YBX1: variants seen among roughly 807,000 people sequenced by gnomAD.
YBX1 encodes Y-box-binding protein 1.
A neutral mutation model predicts 41.4 loss-of-function variants in YBX1; 3 were observed. The ratio of observed to expected loss-of-function variants is 0.07; its 90% CI spans 0.03 to 0.19. YBX1 has a LOEUF of 0.19. YBX1 is among the 10% of genes least tolerant of loss of function. YBX1 has a pLI of 1.00. For missense variants in YBX1, 274 were observed against 462.8 expected (o/e 0.59, Z 3.74); for synonymous variants, 133 against 165.8 (o/e 0.80, Z 1.52).
intron 3 of YBX1, among the ~76,000 whole-genome samples, chr1:42,693,897 G>A (rs1010279088): frequency 6.6e-6 from 1 of 152,184 alleles, no homozygotes; most frequent in Non-Finnish European, 1.5e-5. Flanking sequence ...GCTTTTAGGT[G>A]TACCTGTAGG....
At chr1:42,686,158 G>T (rs775334392) in intron 2 of YBX1, among the ~76,000 whole-genome samples, 13 of 152,174 alleles carry the variant, frequency 8.5e-5, no homozygotes, top group South Asian at 2.1e-4. Context: ...AGTTTATAGT[G>T]ACCAGAATAG....
chr1:42,695,979 A>G lies in YBX1; in HGVS notation c.265-220A>G, dbSNP rs1182470819. Among the ~76,000 whole-genome samples the G allele has an allele frequency of 2.0e-5, 3 of 152,202 alleles. No individual in the cohort carries two copies. In the East Asian group the frequency reaches 5.8e-4, roughly 29 times the overall value. ...TAAATTACTTGTTTTAGTTTTGTAA[A>G]TAGTGGTACAATGCTGGGGCCTTGT... On this transcript the variant is annotated intron_variant, in intron 3 of 7. Coordinates refer to ENST00000321358, the MANE Select transcript of YBX1 (RefSeq NM_004559.5).
At chr1:42,700,237 A>G (rs1426156443) in intron 6 of YBX1, among the ~76,000 whole-genome samples, 1 of 152,168 alleles carries the variant, frequency 6.6e-6, no homozygotes, top group Admixed American at 6.5e-5. Flanking sequence ...TGGAGTGCTC[A>G]GAGTATGGGC....
intron 1 of YBX1, chr1:42,682,946 G>C (rs1650078588): frequency 7.0e-6 from 1 of 142,612 alleles, no homozygotes; most frequent in Non-Finnish European, 1.5e-5. Context: ...TGGACCCCGC[G>C]CGGCCGCGCG....
intron 2 of YBX1, 83 bp from the exon 3 acceptor site, chr1:42,693,407 A>G (rs767226492): frequency 1.3e-5 from 20 of 1,541,172 alleles, no homozygotes; most frequent in Non-Finnish European, 1.6e-5. Flanking sequence ...ATTGGCAGCC[A>G]GAGAGTCTCT....
intron 3 of YBX1, among the ~76,000 whole-genome samples, chr1:42,694,519 C>T (rs1650413542): frequency 2.0e-5 from 3 of 152,010 alleles, no homozygotes; most frequent in Admixed American, 2.0e-4. Context: ...AGTTAATATC[C>T]ATACTCACAT....
At chr1:42,685,107 A>G (rs944335287) in intron 2 of YBX1, among the ~76,000 whole-genome samples, 2 of 148,468 alleles carry the variant, frequency 1.3e-5, no homozygotes, top group African/African-American at 5.3e-5. Context: ...CAGGTTTTGT[A>G]TGTGTTGAAG....
rs746749891 is a variant in YBX1, at chr1:42,683,482, C to T, written c.230+16C>T. The stretch of plus-strand genomic sequence containing the variant: ...TCATCAACAGGTGAGCTGCCGGGCT[C>T]TGAAGCCTCCATCCCACCTTCTTGC... On this transcript the variant is annotated intron_variant, in intron 2 of 7. Transcript: ENST00000321358. 1 of 1,612,546 alleles carries T rather than the reference C, an allele frequency of 6.2e-7. No individual in the cohort carries two copies. Among genetic ancestry groups the T allele is most frequent in the Non-Finnish European group, 8.5e-7 (1 of 1,180,006 alleles).
intron 2 of YBX1, among the ~76,000 whole-genome samples, chr1:42,688,682 G>T (rs1256578187): frequency 6.6e-6 from 1 of 152,150 alleles, no homozygotes; most frequent in Admixed American, 6.5e-5. Flanking sequence ...GTCTTCAATA[G>T]CACCATGGGA....
intron 6 of YBX1, among the ~76,000 whole-genome samples, chr1:42,699,354 G>A (rs1650539341): frequency 6.6e-6 from 1 of 152,202 alleles, no homozygotes; most frequent in Admixed American, 6.5e-5. Context: ...AGAAAATAGA[G>A]ATGGTAAATT....
rs998257801 is a variant in YBX1 at position 42,703,766 on chromosome 1, G to C, written c.*1817G>C. On this transcript the variant is annotated 3_prime_UTR_variant, in exon 8 of 8. Transcript: ENST00000321358. ...ATCATAAATGAAACCATTGTAAGTT[G>C]ACTGCAGTGTTGCCAACATTAAATG... Among the ~76,000 whole-genome samples the C allele has an allele frequency of 6.6e-6, 1 of 152,138 alleles. No individual in the cohort carries two copies. Among genetic ancestry groups the C allele is most frequent in the African/African-American group, 2.4e-5 (1 of 41,436 alleles).
intron 6 of YBX1, among the ~76,000 whole-genome samples, chr1:42,699,896 C>T (rs147861426): frequency 6.6e-6 from 1 of 152,274 alleles, no homozygotes; most frequent in Non-Finnish European, 1.5e-5. Context: ...TAGAAAACAG[C>T]TGGACTGGGA....
At position 42,683,440 on chromosome 1, in the gene YBX1, A is replaced by G. The variant is rs1460498820; in HGVS notation, c.204A>G (p.Val68=). The G allele has an allele frequency of 6.2e-7, 1 of 1,614,076 alleles. No individual in the cohort carries two copies. The highest frequency in any genetic ancestry group is 1.1e-5 in the South Asian group (1 of 91,080). The change falls in exon 2 of 8, where the codon GTA becomes GTG. Residue 68 remains valine, a synonymous_variant. Transcript: ENST00000321358. ...TGGGAACAGTAAAATGGTTCAATGTAAGGAACGGATATGGTTTCATCAACA... is the reference window on the plus strand; with the variant it reads ...TGGGAACAGTAAAATGGTTCAATGTGAGGAACGGATATGGTTTCATCAACA... ...KVLGTVKWFN[V]RNGYGFINRN...
At chr1:42,682,762 C>T in intron 1 of YBX1, 31 bp downstream of exon 1, 2 of 1,191,684 alleles carry the variant, frequency 1.7e-6, no homozygotes, top group Non-Finnish European at 2.1e-6. Flanking sequence ...GGGGTGGGGC[C>T]CTCGGGCAGC....
intron 2 of YBX1, among the ~76,000 whole-genome samples, chr1:42,690,922 TC>T (rs1650314025): frequency 6.6e-6 from 1 of 152,172 alleles, no homozygotes; most frequent in African/African-American, 2.4e-5. Context: ...AAGGGTCAGT[TC>T]CAGTGTTAAT....
intron 2 of YBX1, among the ~76,000 whole-genome samples, chr1:42,689,336 T>A (rs757684722): frequency 1.6e-4 from 25 of 152,204 alleles, no homozygotes; most frequent in Non-Finnish European, 2.9e-4. Context: ...CTTTAGGTTA[T>A]GGAGCATATA....
chr1:42,689,901 T>C lies in YBX1; in HGVS notation c.231-3589T>C, dbSNP rs1650287429. ...TTTAATTTAGAAATCTGGCTAGTAT[T>C]AGTGAATAGTAAATGCCCAATAAAT... On this transcript the variant is annotated intron_variant, in intron 2 of 7. Transcript: ENST00000321358. 2.0e-5 allele frequency among the ~76,000 whole-genome samples: 3 copies of C among 152,212 alleles called. No individual in the cohort carries two copies. The South Asian group carries it at 6.2e-4, about 32-fold the overall frequency.
intron 2 of YBX1, among the ~76,000 whole-genome samples, chr1:42,684,046 A>C (rs763236665): frequency 6.6e-6 from 1 of 152,238 alleles, no homozygotes; most frequent in Non-Finnish European, 1.5e-5. Context: ...ATATATTTAC[A>C]AGAAAGTGGT....
rs544759623 is a variant in YBX1 at position 42,699,452 on chromosome 1, G to C, written c.741-1329G>C. Among the ~76,000 whole-genome samples the C allele has an allele frequency of 8.6e-5, 13 of 151,966 alleles. No individual in the cohort carries two copies. In the South Asian group the frequency reaches 2.7e-3, roughly 32 times the overall value. On this transcript the variant is annotated intron_variant, in intron 6 of 7. Transcript: ENST00000321358. Reference sequence around the variant, plus strand: ...CTAGCCATTTGGGCATCAGGCTCAGGTTGGGCAGAGAGTTGGATTTATCCA... The same window carrying C: ...CTAGCCATTTGGGCATCAGGCTCAGCTTGGGCAGAGAGTTGGATTTATCCA...
Sources: allele counts gnomAD v4.1 joint callset (sites outside exome capture counted in the v4.1 genomes callset), GRCh38; gene constraint gnomAD v4.1.1; transcripts MANE v1.5; gene names NCBI Gene and HGNC (gene_info 2026-07-23, HGNC 2026-07-21).